The following SEC61A2 variants were observed in gnomAD, a reference collection of about 807,000 sequenced individuals.
SEC61A2 encodes the protein protein transport protein Sec61 subunit alpha isoform 2.
SEC61A2 carries 28 observed loss-of-function variants against 59.9 expected under a neutral mutation model. The observed-to-expected ratio is 0.47, with a 90% confidence interval of 0.35 to 0.64. The LOEUF (loss-of-function observed/expected upper bound fraction) is 0.64, where lower values mean the gene tolerates loss of function less well. Among genes scored for constraint, SEC61A2 ranks in the 30% least tolerant of loss-of-function variants. The pLI is 0.01. For synonymous variants in SEC61A2, 202 were observed against 214.4 expected (o/e 0.94, Z 0.50); for missense variants, 340 against 585.9 (o/e 0.58, Z 4.33).
chr10:12,149,525 T>C lies in SEC61A2; in HGVS notation c.221-70T>C. 1 of 1,433,978 alleles carries C rather than the reference T, an allele frequency of 7.0e-7. No homozygotes were observed. The highest frequency in any genetic ancestry group is 9.4e-7 in the Non-Finnish European group (1 of 1,065,648). The allele number at this position is 1,433,978 out of a possible 1,614,324, so 88.8% of individuals were successfully genotyped here. A position where few individuals can be genotyped will look rare whatever the true frequency, so the allele number is the denominator to read the frequency against. On this transcript the variant is annotated intron_variant, in intron 4 of 11. Transcript: ENST00000298428. This position sits in a 1 kb window ranked among gnomAD's most constrained non-coding sequence, Gnocchi z 5.2. ...TGTTTCAGTTGAGGTAATTAGGGAG[T>C]GCGACACCTCTAAATCAGTTTGTAT... is the stretch of plus-strand genomic sequence containing the variant.
At position 12,156,282 on chromosome 10, in the gene SEC61A2, A is replaced by C. The variant is rs1398908155; in HGVS notation, c.616+351A>C. Among the ~76,000 whole-genome samples the C allele has an allele frequency of 6.6e-6, 1 of 152,236 alleles. No individual in the cohort carries two copies. Among genetic ancestry groups the C allele is most frequent in the East Asian group, 1.9e-4 (1 of 5,204 alleles). ...AAGGTAGTGGATTTTAGATTTTTCA[A>C]ATGAAAAGACTGTTGTTCATTGAAT... On this transcript the variant is annotated intron_variant, in intron 7 of 11. Transcript: ENST00000298428. The surrounding 1 kb of genome is among the most constrained non-coding windows in gnomAD (Gnocchi z 5.2).
rs929399445 is a variant in SEC61A2 at position 12,158,666 on chromosome 10, G to T, written c.975+561G>T. Among the ~76,000 whole-genome samples, 4 of 152,140 alleles carry T rather than the reference G, an allele frequency of 2.6e-5. No individual in the cohort carries two copies. The highest frequency in any genetic ancestry group is 5.9e-5 in the Non-Finnish European group (4 of 68,018). ...AATTGCTGGAACCCAGGAGATGGAGGTTGCTGTGAGCTGAGATCACGCCAC... is the reference window on the plus strand; with the variant it reads ...AATTGCTGGAACCCAGGAGATGGAGTTTGCTGTGAGCTGAGATCACGCCAC... On this transcript the variant is annotated intron_variant, in intron 9 of 11. Transcript: ENST00000298428. This position sits in a 1 kb window ranked among gnomAD's most constrained non-coding sequence, Gnocchi z 5.7.
chr10:12,129,858 C>T lies in SEC61A2; in HGVS notation c.7+64C>T. The T allele has an allele frequency of 1.5e-6, 2 of 1,300,372 alleles. No homozygotes were observed. The allele number at this position is 1,300,372 out of a possible 1,614,324, so 80.6% of individuals were successfully genotyped here. The stretch of plus-strand genomic sequence containing the variant: ...ACGCAGGCCCCGCCTGGGCTGCGGG[C>T]GGTGGGGCTGGCGCTCGCTCGGAGT... On this transcript the variant is annotated intron_variant, in intron 1 of 11. Transcript: ENST00000298428. The surrounding 1 kb of genome is among the most constrained non-coding windows in gnomAD (Gnocchi z 5.6).
intron 11 of SEC61A2, among the ~76,000 whole-genome samples, chr10:12,163,410 G>A (rs188888435): frequency 6.8e-4 from 97 of 143,238 alleles, no homozygotes; most frequent in Non-Finnish European, 1.0e-3. Flanking sequence ...CTGCAACCTC[G>A]ACCTCCTGGG....
chr10:12,134,965 A>G (rs907087235), intron 2 of SEC61A2, among the ~76,000 whole-genome samples: 1 of 152,070 alleles, frequency 6.6e-6, no homozygotes, highest in African/African-American at 2.4e-5. Context: ...GTACTTCAAA[A>G]AGGGGCATTT....
rs1322948084 is a variant in SEC61A2, at chr10:12,162,491, C to T, written c.1244+202C>T. 2 of 734,690 alleles carry T rather than the reference C, an allele frequency of 2.7e-6. No individual in the cohort carries two copies. The highest frequency in any genetic ancestry group is 3.5e-5 in the Admixed American group (2 of 57,840). 45.5% of individuals were successfully genotyped at this position (734,690 alleles called of 1,614,324 possible). On this transcript the variant is annotated intron_variant, in intron 11 of 11. Coordinates refer to ENST00000298428, the MANE Select transcript of SEC61A2 (RefSeq NM_018144.4). This position sits in a 1 kb window ranked among gnomAD's most constrained non-coding sequence, Gnocchi z 6.1. ...TTGAAATTGTGAGCACTGCTCTGCT[C>T]ATCCCAGTGATAAAATCTTGCAGAT...
In SEC61A2 at chr10:12,142,114, G is replaced by A. The variant is rs188428551; in HGVS notation, c.142-1003G>A. On this transcript the variant is annotated intron_variant, in intron 3 of 11. Coordinates refer to ENST00000298428, the MANE Select transcript of SEC61A2 (RefSeq NM_018144.4). The surrounding 1 kb of genome is among the most constrained non-coding windows in gnomAD (Gnocchi z 5.4). ...GCAAGAATGCTGTGTGTCACAGCCT[G>A]TTATTTGTGTAATAGCATCAACGTT... Among the ~76,000 whole-genome samples the A allele has an allele frequency of 3.9e-5, 6 of 152,338 alleles. No homozygotes were observed. The highest frequency in any genetic ancestry group is 1.3e-4 in the Admixed American group (2 of 15,294).
chr10:12,150,454 C>A (rs537302674), intron 6 of SEC61A2, among the ~76,000 whole-genome samples: 1 of 152,292 alleles, frequency 6.6e-6, no homozygotes, highest in East Asian at 1.9e-4. Flanking sequence ...TAAAGGTGTT[C>A]AGAAAATCTG....
Position 12,155,998 on chromosome 10 carries a change from G to T in SEC61A2, c.616+67G>T. On this transcript the variant is annotated intron_variant, in intron 7 of 11. Transcript: ENST00000298428. The surrounding 1 kb of genome is among the most constrained non-coding windows in gnomAD (Gnocchi z 4.3). ...TGTGTGCTGGGAACAAACCCATCGT[G>T]TCGCAGTACATGCCTAGAGCCGTTC... 1 of 1,557,146 alleles carries T rather than the reference G, an allele frequency of 6.4e-7. No homozygotes were observed. The highest frequency in any genetic ancestry group is 2.2e-5 in the East Asian group (1 of 44,558).
chr10:12,151,526 G>A (rs1334447893), intron 6 of SEC61A2, among the ~76,000 whole-genome samples: 2 of 151,816 alleles, frequency 1.3e-5, no homozygotes, highest in Admixed American at 6.6e-5. Context: ...TGGCCAGGAT[G>A]GTCTTGATCT....
At chr10:12,146,476 T>C (rs560855055) in intron 4 of SEC61A2, among the ~76,000 whole-genome samples, 2 of 152,320 alleles carry the variant, frequency 1.3e-5, no homozygotes, top group East Asian at 1.9e-4. Context: ...AGACACATCA[T>C]GTATCTGCTG....
chr10:12,167,347 G>A (rs145134005), downstream of SEC61A2: 841 of 184,442 alleles, frequency 4.6e-3, 13 homozygotes, highest in African/African-American at 0.019. Context: ...GGTTGAGAGT[G>A]GAAATGACCT....
Position 12,153,662 on chromosome 10 carries a change from C to A in SEC61A2, c.463-2116C>A. ...ACAAATATGCGTGTTATGGCTAATTCTTCTAATGTTAATATATAAAGAGGG... is the reference window on the plus strand; with the variant it reads ...ACAAATATGCGTGTTATGGCTAATTATTCTAATGTTAATATATAAAGAGGG... On this transcript the variant is annotated intron_variant, in intron 6 of 11. Coordinates refer to ENST00000298428, the MANE Select transcript of SEC61A2 (RefSeq NM_018144.4). The surrounding 1 kb of genome is among the most constrained non-coding windows in gnomAD (Gnocchi z 5.2). The A allele has an allele frequency of 1.3e-6, 2 of 1,514,884 alleles. No individual in the cohort carries two copies. The highest frequency in any genetic ancestry group is 1.8e-6 in the Non-Finnish European group (2 of 1,114,834). The allele number at this position is 1,514,884 out of a possible 1,614,324, so 93.8% of individuals were successfully genotyped here.
In SEC61A2 at chr10:12,158,670, C is replaced by T. The variant is rs538216674; in HGVS notation, c.975+565C>T. 2.0e-5 allele frequency among the ~76,000 whole-genome samples: 3 copies of T among 152,248 alleles called. No individual in the cohort carries two copies. The highest frequency in any genetic ancestry group is 2.9e-5 in the Non-Finnish European group (2 of 68,016). On this transcript the variant is annotated intron_variant, in intron 9 of 11. Transcript: ENST00000298428. The surrounding 1 kb of genome is among the most constrained non-coding windows in gnomAD (Gnocchi z 5.7). ...GCTGGAACCCAGGAGATGGAGGTTG[C>T]TGTGAGCTGAGATCACGCCACTGCA... is the stretch of plus-strand genomic sequence containing the variant.
rs1834525424 is a variant in SEC61A2 at position 12,161,436 on chromosome 10, G to T, written c.1167+315G>T. Among the ~76,000 whole-genome samples, 1 of 151,748 alleles carries T rather than the reference G, an allele frequency of 6.6e-6. No homozygotes were observed. Among genetic ancestry groups the T allele is most frequent in the Non-Finnish European group, 1.5e-5 (1 of 67,940 alleles). On this transcript the variant is annotated intron_variant, in intron 10 of 11. Transcript: ENST00000298428. The surrounding 1 kb of genome is among the most constrained non-coding windows in gnomAD (Gnocchi z 5.4). ...CACTCCAGCCTGGGTGACAGAGCGA[G>T]ATCCTGTCTCAAAAAAATAAAAAAG...
intron 6 of SEC61A2, among the ~76,000 whole-genome samples, chr10:12,150,173 A>C (rs776939577): frequency 2.0e-5 from 3 of 152,230 alleles, no homozygotes; most frequent in South Asian, 2.1e-4. Flanking sequence ...GAAAAATTCA[A>C]ATTTATTCTA....
At chr10:12,163,965 T>A (rs2002024) in intron 11 of SEC61A2, among the ~76,000 whole-genome samples, 53,234 of 152,118 alleles carry the variant, frequency 0.35, 9,771 homozygotes, top group East Asian at 0.42. Context: ...GTTACTCATT[T>A]AAAAATCTTA....
chr10:12,164,270 A>G lies in SEC61A2; in HGVS notation c.1247A>G (p.Tyr416Cys), dbSNP rs1251794234. 1 of 1,612,688 alleles carries G rather than the reference A, an allele frequency of 6.2e-7. No homozygotes were observed. The highest frequency in any genetic ancestry group is 1.7e-5 in the Admixed American group (1 of 59,996). The change falls in exon 12 of 12, where the codon TAC becomes TGC. Residue 416 changes from tyrosine (Y) to cysteine (C), a missense_variant and splice_region_variant. By Grantham distance (194) the Tyr-to-Cys change is radical. Transcript: ENST00000298428. The surrounding 1 kb of genome is among the most constrained non-coding windows in gnomAD (Gnocchi z 7.3). ...DTSMVHELNR[Y>C]IPTAAAFGGL... Reference sequence around the variant, plus strand: ...TAACTTGGGGTTCTGTCTCCTAGGTACATCCCCACCGCAGCTGCGTTTGGC... The same window carrying G: ...TAACTTGGGGTTCTGTCTCCTAGGTGCATCCCCACCGCAGCTGCGTTTGGC...
At position 12,161,251 on chromosome 10, in the gene SEC61A2, C is replaced by T; in HGVS notation, c.1167+130C>T. On this transcript the variant is annotated intron_variant, in intron 10 of 11. Coordinates refer to ENST00000298428, the MANE Select transcript of SEC61A2 (RefSeq NM_018144.4). This position sits in a 1 kb window ranked among gnomAD's most constrained non-coding sequence, Gnocchi z 5.4. Reference sequence around the variant, plus strand: ...TCAGGAGTTTTGAGACCAGCCTGGGCAACATAGCGAGACCCCGTCATGACT... The same window carrying T: ...TCAGGAGTTTTGAGACCAGCCTGGGTAACATAGCGAGACCCCGTCATGACT... The T allele has an allele frequency of 3.1e-6, 2 of 638,666 alleles. No individual in the cohort carries two copies. Among genetic ancestry groups the T allele is most frequent in the Non-Finnish European group, 5.2e-6 (2 of 387,514 alleles). 39.6% of individuals were successfully genotyped at this position (638,666 alleles called of 1,614,324 possible). A position where few individuals can be genotyped will look rare whatever the true frequency, so the allele number is the denominator to read the frequency against.
Sources: gnomAD v4.1 joint callset for allele counts (sites outside exome capture counted in the v4.1 genomes callset) on GRCh38, gnomAD v4.1.1 for gene constraint, Gnocchi (gnomAD v3.1) non-coding constraint, MANE v1.5 for transcripts, NCBI Gene and HGNC (gene_info 2026-07-23, HGNC 2026-07-21) for gene names.